The following AFF1 variants were observed in gnomAD, a reference collection of about 807,000 sequenced individuals.
AFF1 encodes AF4/FMR2 family member 1.
A neutral mutation model predicts 121.7 loss-of-function variants in AFF1; 48 were observed. The observed-to-expected ratio is 0.39, with a 90% CI of 0.31 to 0.50. AFF1 has a LOEUF of 0.50. Ranked by LOEUF, AFF1 falls within the 20% of genes least tolerant of loss-of-function variation. AFF1 has a pLI of 0.76. For missense variants in AFF1, 1,523 were observed against 1,511.7 expected (o/e 1.01, Z -0.12); for synonymous variants, 613 against 563.0 (o/e 1.09, Z -1.26).
intron 2 of AFF1, among the ~76,000 whole-genome samples, chr4:86,980,598 T>G (rs559049912): frequency 2.0e-5 from 3 of 152,354 alleles, no homozygotes; most frequent in South Asian, 2.1e-4. Context: ...CTCTAAGAGA[T>G]ATTATTTTTT....
chr4:87,076,155 G>C (rs1722651267), intron 4 of AFF1, among the ~76,000 whole-genome samples: 2 of 152,086 alleles, frequency 1.3e-5, no homozygotes, highest in South Asian at 4.1e-4. Flanking sequence ...CTTCTTCTAG[G>C]TTCCCCCAAT....
At chr4:86,949,534 A>ATTTTTT (rs1317428441) in intron 2 of AFF1, 1 of 347,244 alleles carries the variant, frequency 2.9e-6, no homozygotes, top group African/African-American at 3.2e-5. Flanking sequence ...TATTATTATT[A>ATTTTTT]TTATTTTTTT....
intron 10 of AFF1, among the ~76,000 whole-genome samples, chr4:87,107,726 T>C (rs1726061178): frequency 6.6e-6 from 1 of 152,242 alleles, no homozygotes; most frequent in Non-Finnish European, 1.5e-5. Flanking sequence ...GTGGGCCATA[T>C]ATGTCTCTAT....
At position 87,052,641 on chromosome 4, in the gene AFF1, T is replaced by A. The variant is rs551865123; in HGVS notation, c.1059+5047T>A. Among the ~76,000 whole-genome samples the A allele has an allele frequency of 5.5e-4, 83 of 152,026 alleles. No homozygotes were observed. In the South Asian group the frequency reaches 0.017, roughly 31 times the overall value. ...CATATCTACTTTTTTTTTTTCTTTT[T>A]AAAAAACTGTAACTCTGGCTTCTGG... On this transcript the variant is annotated intron_variant, in intron 4 of 20. Coordinates refer to ENST00000395146, the MANE Select transcript of AFF1 (RefSeq NM_001166693.3).
rs764373543 is a variant in AFF1, at chr4:87,105,637, AGAC to A, written c.1297_1299del (p.Asp433del). ...TCCCTGCCCATTCCAGCATGCTCGA[AGAC>A]GACCTTCAGCTCAGTGACAGTGAGG... On this transcript the variant is annotated inframe_deletion, in exon 9 of 21. Transcript: ENST00000395146. The A allele has an allele frequency of 1.2e-6, 2 of 1,614,214 alleles. No homozygotes were observed. Among genetic ancestry groups the A allele is most frequent in the South Asian group, 1.1e-5 (1 of 91,078 alleles).
intron 2 of AFF1, among the ~76,000 whole-genome samples, chr4:87,029,928 T>C (rs1029726120): frequency 2.0e-5 from 3 of 152,192 alleles, no homozygotes; most frequent in African/African-American, 7.2e-5. Context: ...TGGCACACTT[T>C]CCATCACACA....
intron 2 of AFF1, among the ~76,000 whole-genome samples, chr4:86,965,301 G>A (rs907067874): frequency 3.9e-5 from 6 of 152,206 alleles, no homozygotes; most frequent in African/African-American, 1.4e-4. Context: ...GCAAGCCTTA[G>A]AGCCAATGGT....
chr4:86,971,246 T>C (rs1722923921), intron 2 of AFF1, among the ~76,000 whole-genome samples: 1 of 152,188 alleles, frequency 6.6e-6, no homozygotes, highest in Non-Finnish European at 1.5e-5. Flanking sequence ...GCAACTTCGG[T>C]GCTCTGTTTT....
intron 2 of AFF1, among the ~76,000 whole-genome samples, chr4:87,036,627 A>G (rs146546816): frequency 2.0e-3 from 303 of 152,294 alleles, no homozygotes; most frequent in African/African-American, 6.9e-3. Context: ...TTAAAAACCA[A>G]TTGATGAGGA....
In AFF1 at chr4:87,131,100, G is replaced by A; in HGVS notation, c.2982G>A (p.Lys994=). The change falls in exon 17 of 21, where the codon AAG becomes AAA. Residue 994 remains lysine, a synonymous_variant. Transcript: ENST00000395146. ...KAELMTDRVG[K]AFKYLEAVLS... ...TCCTGCAGACGGACAGGGTTGGAAAGGCTTTTAAGTACCTGGAAGCCGTCT... is the reference window on the plus strand; with the variant it reads ...TCCTGCAGACGGACAGGGTTGGAAAAGCTTTTAAGTACCTGGAAGCCGTCT... 6.2e-7 allele frequency: 1 copy of A among 1,614,182 alleles called. No homozygotes were observed. The highest frequency in any genetic ancestry group is 2.2e-5 in the East Asian group (1 of 44,878).
chr4:87,133,613 T>G (rs1578327728), intron 19 of AFF1, among the ~76,000 whole-genome samples: 1 of 152,324 alleles, frequency 6.6e-6, no homozygotes, highest in East Asian at 1.9e-4. Flanking sequence ...ATACCAAGCC[T>G]TGTTTTAGGT....
At chr4:87,121,523 G>A (rs573664585) in intron 12 of AFF1, among the ~76,000 whole-genome samples, 1 of 152,306 alleles carries the variant, frequency 6.6e-6, no homozygotes, top group South Asian at 2.1e-4. Context: ...TGCCTACTCT[G>A]GGGAAGCCTC....
At chr4:87,061,370 T>C (rs1720771394) in intron 4 of AFF1, among the ~76,000 whole-genome samples, 2 of 152,184 alleles carry the variant, frequency 1.3e-5, no homozygotes, top group Non-Finnish European at 2.9e-5. Flanking sequence ...TACCTTAAAC[T>C]GGGCCATGTT....
chr4:87,105,073 A>T (rs181629594), intron 8 of AFF1, among the ~76,000 whole-genome samples: 4 of 152,236 alleles, frequency 2.6e-5, no homozygotes, highest in African/African-American at 9.6e-5. Flanking sequence ...CCTTGATAGC[A>T]TCATACATCT....
intron 8 of AFF1, among the ~76,000 whole-genome samples, chr4:87,095,954 G>T (rs1724792795): frequency 6.7e-6 from 1 of 149,984 alleles, no homozygotes; most frequent in Non-Finnish European, 1.5e-5. Flanking sequence ...TTTAGTTTTA[G>T]GCACAATATT....
intron 4 of AFF1, among the ~76,000 whole-genome samples, chr4:87,069,136 C>T (rs2149672386): frequency 6.6e-6 from 1 of 152,218 alleles, no homozygotes; most frequent in East Asian, 1.9e-4. Flanking sequence ...ATCAAAATGA[C>T]CTCTGTGGTT....
chr4:87,135,575 TGCAGAA>T lies in AFF1; in HGVS notation c.3536-4_3537del. 1 of 1,530,010 alleles carries T rather than the reference TGCAGAA, an allele frequency of 6.5e-7. No individual in the cohort carries two copies. Among genetic ancestry groups the T allele is most frequent in the Admixed American group, 2.1e-5 (1 of 47,028 alleles). The allele number at this position is 1,530,010 out of a possible 1,614,324, so 94.8% of individuals were successfully genotyped here. A position where few individuals can be genotyped will look rare whatever the true frequency, so the allele number is the denominator to read the frequency against. ...TGTTTTTGTTTTGTTTTGTTTTTTT[TGCAGAA>T]TTCTTTGCTCGGCTCAGCACAAATG... On this transcript the variant is annotated splice_acceptor_variant and splice_polypyrimidine_tract_variant and coding_sequence_variant and intron_variant, in exon 21 of 21. Transcript: ENST00000395146. LOFTEE classifies it high-confidence loss of function.
At chr4:87,094,160 C>G (rs1441838951) in intron 7 of AFF1, among the ~76,000 whole-genome samples, 1 of 152,170 alleles carries the variant, frequency 6.6e-6, no homozygotes, top group African/African-American at 2.4e-5. Context: ...CCACTGTCCT[C>G]TCTCTCTTGC....
intron 8 of AFF1, 143 bp from the exon 9 acceptor site, chr4:87,105,485 G>C (rs981265400): frequency 5.1e-6 from 4 of 778,646 alleles, no homozygotes; most frequent in Non-Finnish European, 8.4e-6. Flanking sequence ...ACATTTTCAG[G>C]AAGTCACAGC....
Sources: allele counts gnomAD v4.1 joint callset (sites outside exome capture counted in the v4.1 genomes callset), GRCh38; gene constraint gnomAD v4.1.1; transcripts MANE v1.5; gene names NCBI Gene and HGNC (gene_info 2026-07-23, HGNC 2026-07-21).